Variants in RANGAP1 observed in about 807,000 individuals in gnomAD.
RANGAP1 encodes ran GTPase-activating protein 1.
In RANGAP1, 38 loss-of-function variants were observed where a neutral mutation model predicts 63.5. The ratio of observed to expected loss-of-function variants is 0.60; its 90% CI spans 0.46 to 0.78. RANGAP1 has a LOEUF of 0.78. Among genes scored for constraint, RANGAP1 ranks in the 30% least tolerant of loss-of-function variants. RANGAP1 has a pLI of 0.00. For synonymous variants in RANGAP1, 329 were observed against 310.5 expected (o/e 1.06, Z -0.63); for missense variants, 630 against 740.3 (o/e 0.85, Z 1.73).
rs368823320 is a variant in RANGAP1 at position 41,257,846 on chromosome 22, G to T, written c.774+102C>A. 1.5e-6 allele frequency: 2 copies of T among 1,375,020 alleles called. No individual in the cohort carries two copies. The highest frequency in any genetic ancestry group is 1.4e-5 in the African/African-American group (1 of 69,020). The allele number at this position is 1,375,020 out of a possible 1,614,324, so 85.2% of individuals were successfully genotyped here. On this transcript the variant is annotated intron_variant, in intron 7 of 15. Transcript: ENST00000356244. The surrounding 1 kb of genome is among the most constrained non-coding windows in gnomAD (Gnocchi z 4.0). ...GGCACACACCCAGGGGGCAGGCAGGGGGTAGAGGAGTCCCTGCTAAACGGA... is the reference window on the plus strand; with the variant it reads ...GGCACACACCCAGGGGGCAGGCAGGTGGTAGAGGAGTCCCTGCTAAACGGA...
intron 2 of RANGAP1, among the ~76,000 whole-genome samples, chr22:41,280,138 G>T (rs1471773941): frequency 2.0e-5 from 3 of 152,078 alleles, no homozygotes; most frequent in Middle Eastern, 3.2e-3. Context: ...GTCTATAAAC[G>T]TTAGACCTTA....
chr22:41,258,091 C>T lies in RANGAP1; in HGVS notation c.631G>A (p.Glu211Lys). The part of the protein sequence containing the change: ...AEAFRVIGTL[E>K]EVHMPQNGIN... ...CCATTCTGTGGCATGTGGACCTCCT[C>T]CAGGGTCCCGATGACCTGTGAAGAG... Residue 211 changes from glutamate to lysine, a missense_variant, in exon 7 of 16, where the codon GAG (glutamate) becomes AAG (lysine). By Grantham distance (56) the Glu-to-Lys change is moderately conservative. Transcript: ENST00000356244. 1 of 1,609,602 alleles carries T rather than the reference C, an allele frequency of 6.2e-7. No homozygotes were observed. The highest frequency in any genetic ancestry group is 8.5e-7 in the Non-Finnish European group (1 of 1,177,178).
chr22:41,298,887 TG>T, the RANGAP1 span, among the ~76,000 whole-genome samples: 1 of 152,208 alleles, frequency 6.6e-6, no homozygotes, highest in African/African-American at 2.4e-5. Context: ...TATTTCTCAC[TG>T]ATCTGGGGGC....
At chr22:41,277,068 A>G (rs2035191289) in intron 2 of RANGAP1, among the ~76,000 whole-genome samples, 1 of 139,316 alleles carries the variant, frequency 7.2e-6, no homozygotes, top group Non-Finnish European at 1.5e-5. Context: ...TATGAAAGTG[A>G]GGATTTTTTT....
At chr22:41,294,024 CTCTCCCTCTCCT>C in the RANGAP1 span, among the ~76,000 whole-genome samples, 5 of 137,286 alleles carry the variant, frequency 3.6e-5, no homozygotes, top group East Asian at 3.9e-4. Context: ...AAATCTACTC[CTCTCCCTCTCCT>C]TCTCCCTCTC....
chr22:41,285,487 G>A (rs2035706466), intron 1 of RANGAP1: 1 of 984,378 alleles, frequency 1.0e-6, no homozygotes, highest in Non-Finnish European at 1.2e-6. Context: ...CCGCAGCAAC[G>A]TCAGAGACTT....
intron 15 of RANGAP1, 121 bp downstream of exon 15, chr22:41,249,209 C>A: frequency 1.5e-6 from 2 of 1,373,056 alleles, no homozygotes; most frequent in Non-Finnish European, 1.9e-6. Flanking sequence ...CTCTCATGCA[C>A]CTGAGTGGGG....
intron 1 of RANGAP1, chr22:41,285,773 G>A (rs1678842154): frequency 2.3e-6 from 2 of 863,966 alleles, no homozygotes; most frequent in South Asian, 5.3e-5. Flanking sequence ...CGAGTCAGAC[G>A]CCCTTTAAGC....
the RANGAP1 span, among the ~76,000 whole-genome samples, chr22:41,292,294 C>T: frequency 6.6e-6 from 1 of 151,840 alleles, no homozygotes; most frequent in African/African-American, 2.4e-5. Context: ...ATTACAGGCG[C>T]CCAACACCAC....
chr22:41,286,617 G>C (rs985349704), upstream of RANGAP1, among the ~76,000 whole-genome samples: 1 of 152,316 alleles, frequency 6.6e-6, no homozygotes. Flanking sequence ...CGAAAGAAAA[G>C]ACTCTTTTCC....
chr22:41,253,936 C>T (rs181140862), intron 11 of RANGAP1, among the ~76,000 whole-genome samples: 1 of 152,002 alleles, frequency 6.6e-6, no homozygotes, highest in East Asian at 1.9e-4. Flanking sequence ...GGCGAAACCC[C>T]GGCTCTACTA....
intron 6 of RANGAP1, among the ~76,000 whole-genome samples, chr22:41,260,371 G>T (rs1387446441): frequency 6.6e-6 from 1 of 152,140 alleles, no homozygotes; most frequent in African/African-American, 2.4e-5. Flanking sequence ...AGCTCCAGAG[G>T]AGGCAGCAGG....
At chr22:41,276,021 C>A (rs2035120993) in intron 2 of RANGAP1, among the ~76,000 whole-genome samples, 1 of 152,116 alleles carries the variant, frequency 6.6e-6, no homozygotes, top group African/African-American at 2.4e-5. Context: ...GCACGTTACA[C>A]AAATAGTTAT....
chr22:41,281,684 G>A (rs1176766057), intron 1 of RANGAP1: 12 of 961,124 alleles, frequency 1.2e-5, no homozygotes, highest in East Asian at 1.1e-4. Context: ...ATCAGAGATC[G>A]CCACATCACA....
chr22:41,246,018 A>G lies in RANGAP1; in HGVS notation c.*585T>C, dbSNP rs1326432723. 1 of 153,482 alleles carries G rather than the reference A, an allele frequency of 6.5e-6. No homozygotes were observed. The highest frequency in any genetic ancestry group is 1.9e-4 in the East Asian group (1 of 5,218). The allele number at this position is 153,482 out of a possible 1,614,324, so 9.5% of individuals were successfully genotyped here. A position where few individuals can be genotyped will look rare whatever the true frequency, so the allele number is the denominator to read the frequency against. ...AGGGTTGCCCTCTGCCAACAACCCC[A>G]CGATCCGACCCCCACAGTCCCACCC... is the stretch of plus-strand genomic sequence containing the variant. On this transcript the variant is annotated 3_prime_UTR_variant, in exon 16 of 16. Transcript: ENST00000356244.
chr22:41,282,633 ATT>A (rs1358532227), intron 1 of RANGAP1: 1 of 152,210 alleles, frequency 6.6e-6, no homozygotes, highest in East Asian at 1.9e-4. Context: ...ATAAATGAAA[ATT>A]TTTAAAACAA....
At chr22:41,283,422 T>C (rs920515868) in intron 1 of RANGAP1, among the ~76,000 whole-genome samples, 2 of 152,066 alleles carry the variant, frequency 1.3e-5, no homozygotes, top group African/African-American at 4.8e-5. Context: ...GGCAGGAGAA[T>C]TGCTTGAACC....
In RANGAP1 at chr22:41,245,307, T is replaced by G. The variant is rs117983667; in HGVS notation, c.*1296A>C. Among the ~76,000 whole-genome samples the G allele has an allele frequency of 4.8e-3, 734 of 152,318 alleles. 2 individuals are homozygous for G. The highest frequency in any genetic ancestry group is 7.7e-3 in the Non-Finnish European group (525 of 68,020). On this transcript the variant is annotated 3_prime_UTR_variant, in exon 16 of 16. Transcript: ENST00000356244. ...GTAAGGAAGGTTGGCTGGGCTGTCC[T>G]CACATATGTGGCAGTGGAGCAAAGG...
At chr22:41,249,951 A>G (rs1322132861) in intron 13 of RANGAP1, 134 bp from the exon 14 acceptor site, 4 of 724,414 alleles carry the variant, frequency 5.5e-6, no homozygotes, top group Non-Finnish European at 9.6e-6. Context: ...CGAACACGAG[A>G]GGGACGGCAG....
Sources: allele counts gnomAD v4.1 joint callset (sites outside exome capture counted in the v4.1 genomes callset), GRCh38; gene constraint gnomAD v4.1.1; non-coding constraint Gnocchi (gnomAD v3.1); transcripts MANE v1.5; gene names NCBI Gene and HGNC (gene_info 2026-07-23, HGNC 2026-07-21).